Variants in PTCD3 observed in about 807,000 individuals in gnomAD.
The protein encoded by PTCD3 is small ribosomal subunit protein mS39.
PTCD3 carries 89 observed loss-of-function variants against 101.9 expected under a neutral mutation model. The ratio of observed to expected loss-of-function variants is 0.87; its 90% confidence interval spans 0.74 to 1.04. PTCD3 has a LOEUF of 1.04. Among genes scored for constraint, PTCD3 ranks in the 50% least tolerant of loss-of-function variants. The probability of loss-of-function intolerance (pLI) is 0.00; values close to 1 mark genes in which losing one functional copy is unlikely to be tolerated. For synonymous variants in PTCD3, 296 were observed against 278.5 expected (o/e 1.06, Z -0.63); for missense variants, 870 against 828.2 (o/e 1.05, Z -0.62).
Position 86,133,374 on chromosome 2 carries a change from T to C in PTCD3, c.1481T>C (p.Ile494Thr), listed in dbSNP as rs1674527134. ...SAYFPHSQTM[I>T]HLLQALDVAN... Reference sequence around the variant, plus strand: ...TACTTTCCCCACTCCCAAACAATGATACATCTTCTCCAAGCATTGGATGTG... The same window carrying C: ...TACTTTCCCCACTCCCAAACAATGACACATCTTCTCCAAGCATTGGATGTG... The change falls in exon 19 of 24, where the codon ATA becomes ACA. Residue 494 changes from isoleucine to threonine, a missense_variant. Coordinates refer to ENST00000254630, the MANE Select transcript of PTCD3 (RefSeq NM_017952.6). 1 of 1,614,090 alleles carries C rather than the reference T, an allele frequency of 6.2e-7. No individual in the cohort carries two copies. Among genetic ancestry groups the C allele is most frequent in the Non-Finnish European group, 8.5e-7 (1 of 1,180,020 alleles).
chr2:86,108,326 T>G (rs1366527398), intron 1 of PTCD3, 24 bp from the exon 2 acceptor site: 1 of 1,604,260 alleles, frequency 6.2e-7, no homozygotes, highest in Non-Finnish European at 8.5e-7. Flanking sequence ...GACTATTAGA[T>G]TTAAGGCTTT....
At chr2:86,112,188 C>A (rs1004620965) in intron 4 of PTCD3, 1 of 151,878 alleles carries the variant, frequency 6.6e-6, no homozygotes, top group Non-Finnish European at 1.5e-5. Context: ...TCCCGAGTAG[C>A]TGGGACTACA....
chr2:86,116,178 A>G (rs903102442), intron 4 of PTCD3, among the ~76,000 whole-genome samples: 3 of 152,236 alleles, frequency 2.0e-5, no homozygotes, highest in African/African-American at 7.2e-5. Context: ...GGTTACATAC[A>G]TAATTACAAC....
At chr2:86,107,251 C>T (rs1311140176) in intron 1 of PTCD3, 1 of 470,762 alleles carries the variant, frequency 2.1e-6, no homozygotes, top group African/African-American at 2.0e-5. Flanking sequence ...GAAGCAGAAT[C>T]TCTTCCTCAG....
In PTCD3 at chr2:86,108,349, G is replaced by T. The variant is rs1160869242; in HGVS notation, c.105-1G>T. ...GATTTAAGGCTTTTGTTTTTTTGCAGATTTTATTCTGGTAGTGCAACCCTC... is the reference window on the plus strand; with the variant it reads ...GATTTAAGGCTTTTGTTTTTTTGCATATTTTATTCTGGTAGTGCAACCCTC... On this transcript the variant is annotated splice_acceptor_variant, in intron 1 of 23. Transcript: ENST00000254630. LOFTEE classifies it high-confidence loss of function. 6.2e-7 allele frequency: 1 copy of T among 1,607,220 alleles called. No individual in the cohort carries two copies. The highest frequency in any genetic ancestry group is 8.5e-7 in the Non-Finnish European group (1 of 1,177,746).
At chr2:86,109,071 G>A (rs1388581668) in intron 3 of PTCD3, 2 of 152,270 alleles carry the variant, frequency 1.3e-5, no homozygotes, top group African/African-American at 2.4e-5. Context: ...AACGCATTTA[G>A]TGGCCCCTCA....
chr2:86,133,859 G>A (rs963653681), intron 19 of PTCD3, among the ~76,000 whole-genome samples: 4 of 152,166 alleles, frequency 2.6e-5, no homozygotes, highest in Admixed American at 6.5e-5. Context: ...CACGCATCAC[G>A]GGTGTGTGTG....
At chr2:86,134,676 TAGGACA>T (rs1674551123) in intron 20 of PTCD3, among the ~76,000 whole-genome samples, 157 bp from the exon 21 acceptor site, 1 of 152,234 alleles carries the variant, frequency 6.6e-6, no homozygotes, top group South Asian at 2.1e-4. Context: ...TCAAAATACT[TAGGACA>T]GGGTCCTTTT....
At chr2:86,121,790 C>G (rs985776924) in intron 8 of PTCD3, among the ~76,000 whole-genome samples, 196 bp downstream of exon 8, 1 of 152,192 alleles carries the variant, frequency 6.6e-6, no homozygotes, top group African/African-American at 2.4e-5. Context: ...TCCTAGTTTA[C>G]TTTTTAACAA....
At chr2:86,135,968 G>T (rs1413003830) in intron 21 of PTCD3, 2 of 519,162 alleles carry the variant, frequency 3.9e-6, no homozygotes, top group Non-Finnish European at 7.7e-6. Flanking sequence ...AGGCTGATGG[G>T]GAGCACTTAC....
chr2:86,126,624 C>T (rs1313405325), intron 12 of PTCD3, among the ~76,000 whole-genome samples: 1 of 151,960 alleles, frequency 6.6e-6, no homozygotes, highest in Non-Finnish European at 1.5e-5. Flanking sequence ...TACCTTAGGT[C>T]AGGAGTTTGT....
chr2:86,118,527 A>G (rs1462660201), intron 6 of PTCD3, among the ~76,000 whole-genome samples: 1 of 152,214 alleles, frequency 6.6e-6, no homozygotes, highest in Non-Finnish European at 1.5e-5. Context: ...TTAAAATCCT[A>G]AACTAAGACA....
At chr2:86,106,785 A>T (rs1424740555) in intron 1 of PTCD3, among the ~76,000 whole-genome samples, 7 of 152,268 alleles carry the variant, frequency 4.6e-5, no homozygotes, top group Admixed American at 3.9e-4. Context: ...AGAAGTTATC[A>T]GGTTTTCGTA....
At chr2:86,123,862 TA>T in intron 9 of PTCD3, 100 bp downstream of exon 9, 1 of 810,588 alleles carries the variant, frequency 1.2e-6, no homozygotes, top group Admixed American at 3.0e-5. Context: ...TGTTCTAAAA[TA>T]ATTGATTTTT....
At position 86,133,322 on chromosome 2, in the gene PTCD3, TA is replaced by T. The variant is rs1219066138; in HGVS notation, c.1453-19del. 1.9e-6 allele frequency: 3 copies of T among 1,614,036 alleles called. No individual in the cohort carries two copies. The East Asian group carries it at 6.7e-5, about 36-fold the overall frequency. The stretch of plus-strand genomic sequence containing the variant: ...ATTGGGTTTCTGCAGATTAATGCTT[TA>T]AAAATGTGTTTCTCTTAATCAGGCC... On this transcript the variant is annotated intron_variant, in intron 18 of 23. Coordinates refer to ENST00000254630, the MANE Select transcript of PTCD3 (RefSeq NM_017952.6).
chr2:86,132,358 A>G lies in PTCD3; in HGVS notation c.1307A>G (p.His436Arg), dbSNP rs375042597. 2.3e-5 allele frequency: 37 copies of G among 1,609,320 alleles called. No homozygotes were observed. The African/African-American group carries it at 3.6e-4, about 16-fold the overall frequency. ...GATCTAGAACTTGCCTACCAAGTAC[A>G]TGGCCTTTTAAAAACCGGAGACAAC... The part of the protein sequence containing the change: ...LRDLELAYQV[H>R]GLLKTGDNWK... Residue 436 changes from histidine to arginine, a missense_variant, in exon 17 of 24, where the codon CAT (histidine) becomes CGT (arginine). Transcript: ENST00000254630.
chr2:86,135,756 C>G, intron 21 of PTCD3: 1 of 357,716 alleles, frequency 2.8e-6, no homozygotes, highest in South Asian at 2.2e-5. Context: ...GAAGGCTTGT[C>G]TTTGAGGTGT....
At position 86,138,523 on chromosome 2, in the gene PTCD3, G is replaced by A. The variant is rs1674634439; in HGVS notation, c.*964G>A. 1 of 152,156 alleles carries A rather than the reference G, an allele frequency of 6.6e-6. No homozygotes were observed. The highest frequency in any genetic ancestry group is 1.5e-5 in the Non-Finnish European group (1 of 68,036). The allele number at this position is 152,156 out of a possible 1,614,324, so 9.4% of individuals were successfully genotyped here. On this transcript the variant is annotated 3_prime_UTR_variant, in exon 24 of 24. Transcript: ENST00000254630. ...GCTTCATCTTTACCTTGCCAGAGTTGACAATTATGGGATACTCTAGTCTAC... is the reference window on the plus strand; with the variant it reads ...GCTTCATCTTTACCTTGCCAGAGTTAACAATTATGGGATACTCTAGTCTAC...
chr2:86,142,085 G>A lies in PTCD3; in HGVS notation c.*4526G>A, dbSNP rs868708755. 1.1e-4 allele frequency: 17 copies of A among 152,104 alleles called. No individual in the cohort carries two copies. Among genetic ancestry groups the A allele is most frequent in the African/African-American group, 4.1e-4 (17 of 41,382 alleles). The allele number at this position is 152,104 out of a possible 1,614,324, so 9.4% of individuals were successfully genotyped here. On this transcript the variant is annotated 3_prime_UTR_variant, in exon 24 of 24. Coordinates refer to ENST00000254630, the MANE Select transcript of PTCD3 (RefSeq NM_017952.6). ...GGGGTGGGTGTGTTGGCTGGTAAAG[G>A]AACTACTAAGATTCAGAAGCTTGTA...
Sources: allele counts gnomAD v4.1 joint callset (sites outside exome capture counted in the v4.1 genomes callset), GRCh38; gene constraint gnomAD v4.1.1; transcripts MANE v1.5; gene names NCBI Gene and HGNC (gene_info 2026-07-23, HGNC 2026-07-21).